Variants in SNX21 observed in about 807,000 individuals in gnomAD.
The protein encoded by SNX21 is sorting nexin family member 21.
Under a neutral mutation model 30.9 loss-of-function variants are expected in SNX21, and 36 were observed. That is an observed-to-expected ratio of 1.16 (90% confidence interval 0.89 to 1.54). SNX21 has a LOEUF of 1.54. Among genes scored for constraint, SNX21 ranks in the 40% most tolerant of loss-of-function variants. The pLI is 0.00. For missense variants in SNX21, 508 were observed against 516.5 expected (o/e 0.98, Z 0.16); for synonymous variants, 218 against 222.7 (o/e 0.98, Z 0.19).
intron 3 of SNX21, 106 bp from the exon 4 acceptor site, chr20:45,840,533 G>A: frequency 6.2e-7 from 1 of 1,612,740 alleles, no homozygotes; most frequent in Non-Finnish European, 8.5e-7. Flanking sequence ...GGGGTGAAAG[G>A]AAGAGGTGGG....
chr20:45,841,080 G>T lies in SNX21; in HGVS notation c.889G>T (p.Glu297Ter). ...AGLAVCHQEL[E>*]DPGEARACCE... ...GCTGGCCGTGTGCCACCAGGAGCTG[G>T]AAGACCCTGGAGAGGCCCGGGCATG... is the stretch of plus-strand genomic sequence containing the variant. Residue 297 changes from glutamate (E) to a stop codon, truncating the protein, a stop_gained, in exon 4 of 4, where the codon GAA (glutamate) becomes TAA (stop). Coordinates refer to ENST00000491381, the MANE Select transcript of SNX21 (RefSeq NM_033421.4). LOFTEE classifies it high-confidence loss of function. 6.2e-7 allele frequency: 1 copy of T among 1,609,522 alleles called. No homozygotes were observed. The highest frequency in any genetic ancestry group is 8.5e-7 in the Non-Finnish European group (1 of 1,178,554).
intron 2 of SNX21, 45 bp downstream of exon 2, chr20:45,834,513 G>T (rs1454670153): frequency 1.3e-6 from 2 of 1,538,524 alleles, no homozygotes; most frequent in Non-Finnish European, 8.7e-7. Context: ...GCTCGATTAG[G>T]CCTCCATCCC....
Position 45,842,172 on chromosome 20 carries a change from C to A in SNX21, c.*859C>A. ...TGGACTTCTTGCAAAGGGTCTGGCC[C>A]AGGGCAGGGCTGCCCCACACAAGGG... On this transcript the variant is annotated 3_prime_UTR_variant, in exon 4 of 4. Transcript: ENST00000491381. 1 of 1,507,646 alleles carries A rather than the reference C, an allele frequency of 6.6e-7. No homozygotes were observed. Among genetic ancestry groups the A allele is most frequent in the Non-Finnish European group, 8.8e-7 (1 of 1,134,962 alleles). 93.4% of individuals were successfully genotyped at this position (1,507,646 alleles called of 1,614,324 possible). A position where few individuals can be genotyped will look rare whatever the true frequency, so the allele number is the denominator to read the frequency against.
chr20:45,834,638 C>G (rs569235354), intron 2 of SNX21, 170 bp downstream of exon 2: 48 of 913,886 alleles, frequency 5.3e-5, no homozygotes, highest in Non-Finnish European at 7.3e-5. Flanking sequence ...CTTAACCCCC[C>G]TCTGAGCCAA....
At chr20:45,834,055 T>G (rs1284101505) in intron 1 of SNX21, 115 bp downstream of exon 1, 13 of 1,410,554 alleles carry the variant, frequency 9.2e-6, no homozygotes, top group African/African-American at 1.5e-5. Flanking sequence ...CTGGGTCCCC[T>G]GGTTCGCAAG....
chr20:45,834,563 A>G (rs1049735922), intron 2 of SNX21, 95 bp downstream of exon 2: 1 of 1,417,880 alleles, frequency 7.1e-7, no homozygotes, highest in Non-Finnish European at 9.3e-7. Context: ...AAGTTGATCC[A>G]GCTGAAACTC....
chr20:45,842,030 C>G lies in SNX21; in HGVS notation c.*717C>G, dbSNP rs534425240. ...TACACTTTTTTTTTTTTTCCTGAAA[C>G]AGAGTCTCACTAAGTTGCCAGGCTG... On this transcript the variant is annotated 3_prime_UTR_variant, in exon 4 of 4. Coordinates refer to ENST00000491381, the MANE Select transcript of SNX21 (RefSeq NM_033421.4). The G allele has an allele frequency of 2.6e-5, 40 of 1,567,966 alleles. No homozygotes were observed. In the South Asian group the frequency reaches 4.2e-4, roughly 16 times the overall value.
rs774164764 is a variant in SNX21 at position 45,840,750 on chromosome 20, C to G, written c.559C>G (p.Arg187Gly). The G allele has an allele frequency of 6.2e-7, 1 of 1,614,080 alleles. No homozygotes were observed. Among genetic ancestry groups the G allele is most frequent in the Admixed American group, 1.7e-5 (1 of 60,016 alleles). Residue 187 changes from arginine (R) to glycine (G), a missense_variant, in exon 4 of 4, where the codon CGG (arginine) becomes GGG (glycine). Transcript: ENST00000491381. Reference sequence around the variant, plus strand: ...GCACCGAAACCTGCAGCGGCAATTCCGGGGCCCAATGGCTGCCATCTCCTT... The same window carrying G: ...GCACCGAAACCTGCAGCGGCAATTCGGGGGCCCAATGGCTGCCATCTCCTT... ...RLHRNLQRQF[R>G]GPMAAISFPR...
At position 45,833,810 on chromosome 20, in the gene SNX21, C is replaced by T; in HGVS notation, c.-110C>T. ...GGCGGGGCGGCGGCAGGAAGCTGCCCGAGCGGCGCTCTGAGCGGCCTGAGC... is the reference window on the plus strand; with the variant it reads ...GGCGGGGCGGCGGCAGGAAGCTGCCTGAGCGGCGCTCTGAGCGGCCTGAGC... On this transcript the variant is annotated 5_prime_UTR_variant, in exon 1 of 4. Coordinates refer to ENST00000491381, the MANE Select transcript of SNX21 (RefSeq NM_033421.4). The T allele has an allele frequency of 8.9e-7, 1 of 1,129,176 alleles. No individual in the cohort carries two copies. The highest frequency in any genetic ancestry group is 1.1e-6 in the Non-Finnish European group (1 of 889,440). The allele number at this position is 1,129,176 out of a possible 1,614,324, so 69.9% of individuals were successfully genotyped here. A position where few individuals can be genotyped will look rare whatever the true frequency, so the allele number is the denominator to read the frequency against.
At chr20:45,837,082 G>A (rs1464176670) in intron 3 of SNX21, among the ~76,000 whole-genome samples, 3 of 152,204 alleles carry the variant, frequency 2.0e-5, no homozygotes, top group Admixed American at 6.5e-5. Flanking sequence ...AATCACAGAT[G>A]TAAAGAGTGC....
chr20:45,838,977 T>C (rs1319329130), intron 3 of SNX21, among the ~76,000 whole-genome samples: 1 of 145,324 alleles, frequency 6.9e-6, no homozygotes, highest in Admixed American at 7.1e-5. Context: ...CACCACAACC[T>C]CCACCTCCCA....
Position 45,841,586 on chromosome 20 carries a change from T to C in SNX21, c.*273T>C. ...GGGGCTGTGGCACAGGTTGGGGCAA[T>C]GTTCCCTTGTTGGTGGGCCCCCAAG... On this transcript the variant is annotated 3_prime_UTR_variant, in exon 4 of 4. Coordinates refer to ENST00000491381, the MANE Select transcript of SNX21 (RefSeq NM_033421.4). The C allele has an allele frequency of 7.2e-7, 1 of 1,398,582 alleles. No homozygotes were observed. The highest frequency in any genetic ancestry group is 9.2e-7 in the Non-Finnish European group (1 of 1,084,254). 86.6% of individuals were successfully genotyped at this position (1,398,582 alleles called of 1,614,324 possible).
Position 45,839,322 on chromosome 20 carries a change from T to C in SNX21, c.448-1317T>C, listed in dbSNP as rs568013836. 4.9e-4 allele frequency among the ~76,000 whole-genome samples: 74 copies of C among 152,202 alleles called. 1 individual carries two copies. In the South Asian group the frequency reaches 9.1e-3, roughly 19 times the overall value. ...CAAGGTCAGGAGATCGAGACCATCC[T>C]GGCTAACACAGTGAAACCCCGTCTC... On this transcript the variant is annotated intron_variant, in intron 3 of 3. Coordinates refer to ENST00000491381, the MANE Select transcript of SNX21 (RefSeq NM_033421.4).
At chr20:45,834,533 C>G in intron 2 of SNX21, 65 bp downstream of exon 2, 1 of 1,492,678 alleles carries the variant, frequency 6.7e-7, no homozygotes, top group Admixed American at 2.3e-5. Flanking sequence ...CAGCCGCGTT[C>G]CCAGAGCATC....
chr20:45,840,632 C>T lies in SNX21; in HGVS notation c.448-7C>T, dbSNP rs376299330. ...TGCATTTGCCCTGACACCCACCCTC[C>T]CTGCAGCTCTACACCCTCGCCGTGA... On this transcript the variant is annotated splice_region_variant and splice_polypyrimidine_tract_variant and intron_variant, in intron 3 of 3. Transcript: ENST00000491381. 6.2e-6 allele frequency: 10 copies of T among 1,613,880 alleles called. No individual in the cohort carries two copies. Among genetic ancestry groups the T allele is most frequent in the Non-Finnish European group, 8.5e-6 (10 of 1,179,960 alleles).
At chr20:45,836,420 G>A (rs905182831) in intron 3 of SNX21, among the ~76,000 whole-genome samples, 1 of 144,658 alleles carries the variant, frequency 6.9e-6, no homozygotes, top group Non-Finnish European at 1.5e-5. Context: ...GAACCCAGGA[G>A]GCAGAGTTTG....
chr20:45,835,944 C>T (rs955774811), intron 3 of SNX21, among the ~76,000 whole-genome samples: 3 of 151,956 alleles, frequency 2.0e-5, no homozygotes, highest in African/African-American at 7.2e-5. Flanking sequence ...CCCACAGCGA[C>T]TCCTGCTCCA....
Position 45,833,935 on chromosome 20 carries a change from C to T in SNX21, c.16C>T (p.Gln6Ter). ...GCGCCCCTGAATGCACCGTGGGACGCAGGAGGTAGAGGCGCACGAGGCGGC... is the reference window on the plus strand; with the variant it reads ...GCGCCCCTGAATGCACCGTGGGACGTAGGAGGTAGAGGCGCACGAGGCGGC... MHRGT[Q>*]EGAMASRLLH... is the part of the protein sequence containing the mutation. Residue 6 changes from glutamine to a stop codon, truncating the protein, a stop_gained, in exon 1 of 4, where the codon CAG becomes TAG. Transcript: ENST00000491381. LOFTEE classifies it high-confidence loss of function. The T allele has an allele frequency of 7.0e-7, 1 of 1,434,468 alleles. No homozygotes were observed. The highest frequency in any genetic ancestry group is 1.5e-5 in the South Asian group (1 of 66,022). 88.9% of individuals were successfully genotyped at this position (1,434,468 alleles called of 1,614,324 possible). A position where few individuals can be genotyped will look rare whatever the true frequency, so the allele number is the denominator to read the frequency against.
rs972668891 is a variant in SNX21, at chr20:45,841,141, G to A, written c.950G>A (p.Ser317Asn). 1.2e-5 allele frequency: 19 copies of A among 1,613,064 alleles called. No individual in the cohort carries two copies. The highest frequency in any genetic ancestry group is 1.5e-5 in the Non-Finnish European group (18 of 1,179,698). ...EKALQLLGDK[S>N]LHPLLAPFLE... ...GCCCTGCAGCTGCTTGGGGACAAGA[G>A]CCTCCACCCTTTGCTGGCACCCTTT... The change falls in exon 4 of 4, where the codon AGC becomes AAC. Residue 317 changes from serine to asparagine, a missense_variant. Physicochemically the swap from Ser to Asn is conservative, Grantham distance 46. Coordinates refer to ENST00000491381, the MANE Select transcript of SNX21 (RefSeq NM_033421.4).
Sources: allele counts gnomAD v4.1 joint callset (sites outside exome capture counted in the v4.1 genomes callset), GRCh38; gene constraint gnomAD v4.1.1; transcripts MANE v1.5; gene names NCBI Gene and HGNC (gene_info 2026-07-23, HGNC 2026-07-21).